JAK1: variants seen among roughly 807,000 people sequenced by gnomAD.
The protein encoded by JAK1 is tyrosine-protein kinase JAK1.
In JAK1, 16 loss-of-function variants were observed where a neutral mutation model predicts 136.6. The observed-to-expected ratio is 0.12, with a 90% CI of 0.08 to 0.18. The LOEUF is 0.18. Among genes scored for constraint, JAK1 ranks in the 10% least tolerant of loss-of-function variants. The pLI is 1.00. For missense variants in JAK1, 859 were observed against 1,450.1 expected, an observed-to-expected ratio of 0.59 and a Z score of 6.62; for synonymous variants, 492 against 519.5, an observed-to-expected ratio of 0.95 and a Z score of 0.72.
chr1:64,881,556 G>C (rs1235438271), intron 3 of JAK1, among the ~76,000 whole-genome samples: 1 of 152,150 alleles, frequency 6.6e-6, no homozygotes, highest in African/African-American at 2.4e-5. Context: ...GTAACAGTGA[G>C]AGCTACAAGA....
chr1:65,054,926 T>A (rs1218830235), intron 1 of JAK1, among the ~76,000 whole-genome samples: 1 of 152,220 alleles, frequency 6.6e-6, no homozygotes, highest in Non-Finnish European at 1.5e-5. Flanking sequence ...ACAGCAGTTA[T>A]CTTCACACGG....
chr1:64,856,177 G>A (rs1254448498), intron 10 of JAK1, among the ~76,000 whole-genome samples: 1 of 152,170 alleles, frequency 6.6e-6, no homozygotes, highest in Non-Finnish European at 1.5e-5. Context: ...TCCACTTGAG[G>A]AAAACCACAC....
chr1:64,929,856 A>G (rs983802016), intron 1 of JAK1, among the ~76,000 whole-genome samples: 4 of 152,204 alleles, frequency 2.6e-5, no homozygotes, highest in African/African-American at 9.7e-5. Context: ...GGAACAGAAC[A>G]AAGGCCTCAG....
intron 1 of JAK1, among the ~76,000 whole-genome samples, chr1:65,048,214 G>A (rs1647206794): frequency 6.6e-6 from 1 of 152,140 alleles, no homozygotes; most frequent in South Asian, 2.1e-4. Flanking sequence ...CAGAAACCTG[G>A]GCTTGAACTG....
chr1:64,932,956 C>T (rs911412076), intron 1 of JAK1, among the ~76,000 whole-genome samples: 2 of 151,912 alleles, frequency 1.3e-5, no homozygotes, highest in Non-Finnish European at 2.9e-5. Flanking sequence ...CCACTGCTAA[C>T]GGGAAGTAAA....
intron 9 of JAK1, among the ~76,000 whole-genome samples, chr1:64,858,507 T>A (rs750044484): frequency 2.0e-5 from 3 of 152,248 alleles, no homozygotes; most frequent in Non-Finnish European, 4.4e-5. Flanking sequence ...TGGCAAGCCA[T>A]CATTGATTCT....
chr1:64,925,891 A>G (rs958055180), intron 1 of JAK1, among the ~76,000 whole-genome samples: 2 of 152,190 alleles, frequency 1.3e-5, no homozygotes, highest in African/African-American at 4.8e-5. Context: ...GCAATCACCT[A>G]TAAAACCACC....
intron 1 of JAK1, among the ~76,000 whole-genome samples, chr1:64,963,402 G>A (rs1646317549): frequency 1.3e-5 from 2 of 151,906 alleles, no homozygotes; most frequent in Non-Finnish European, 2.9e-5. Context: ...AATAACCTTT[G>A]CTTAAAGAAA....
At chr1:64,972,252 G>A (rs1646459080) in intron 2 of JAK1, 1 of 152,154 alleles carries the variant, frequency 6.6e-6, no homozygotes, top group Non-Finnish European at 1.5e-5. Context: ...TTTAATAAAT[G>A]TAAAAATTCA....
intron 2 of JAK1, among the ~76,000 whole-genome samples, chr1:65,009,324 TA>T (rs971655612): frequency 6.6e-6 from 1 of 152,136 alleles, no homozygotes; most frequent in Non-Finnish European, 1.5e-5. Context: ...GAAACATTTC[TA>T]AAAAAACATT....
chr1:64,903,871 T>C (rs902009570), intron 1 of JAK1, among the ~76,000 whole-genome samples: 1 of 152,216 alleles, frequency 6.6e-6, no homozygotes, highest in Non-Finnish European at 1.5e-5. Flanking sequence ...CTTTGTCCTA[T>C]AGATTATCAC....
chr1:65,046,872 CTTTTTT>C (rs770524663), intron 1 of JAK1, among the ~76,000 whole-genome samples: 1 of 113,394 alleles, frequency 8.8e-6, no homozygotes, highest in African/African-American at 3.3e-5. Context: ...GCCCCAACCT[CTTTTTT>C]TTTTTTTTTT....
intron 2 of JAK1, among the ~76,000 whole-genome samples, chr1:65,018,825 A>G (rs1378959234): frequency 6.6e-6 from 1 of 152,110 alleles, no homozygotes; most frequent in Non-Finnish European, 1.5e-5. Flanking sequence ...CCTGGCTAAC[A>G]CGGTGAAACC....
At chr1:64,886,405 A>AT in intron 1 of JAK1, 64 bp from the exon 2 acceptor site, 2 of 905,634 alleles carry the variant, frequency 2.2e-6, no homozygotes, top group Non-Finnish European at 3.1e-6. Context: ...ATAAGAGGGC[A>AT]TTTTCATTAA....
chr1:64,878,714 T>A (rs544088683), intron 4 of JAK1, among the ~76,000 whole-genome samples: 2 of 151,854 alleles, frequency 1.3e-5, no homozygotes, highest in South Asian at 4.1e-4. Flanking sequence ...TAACTGTGAA[T>A]CCACTAAATT....
chr1:64,925,226 ATC>A (rs1191299913), intron 1 of JAK1, among the ~76,000 whole-genome samples: 6 of 108,598 alleles, frequency 5.5e-5, no homozygotes, highest in Non-Finnish European at 1.1e-4. Context: ...GTGAAACACC[ATC>A]TCTACTAAAA....
chr1:64,956,140 G>C (rs1225887705), intron 1 of JAK1, among the ~76,000 whole-genome samples: 1 of 152,204 alleles, frequency 6.6e-6, no homozygotes, highest in East Asian at 1.9e-4. Context: ...CAGTACTTGT[G>C]ACAGACTGTA....
chr1:65,018,641 C>T (rs1416363481), intron 2 of JAK1, among the ~76,000 whole-genome samples: 6 of 152,096 alleles, frequency 3.9e-5, no homozygotes, highest in Admixed American at 3.3e-4. Context: ...GGACTAATTT[C>T]ATCGGGGAAA....
At chr1:64,976,453 G>T (rs1646498170) in intron 2 of JAK1, among the ~76,000 whole-genome samples, 1 of 152,174 alleles carries the variant, frequency 6.6e-6, no homozygotes, top group Non-Finnish European at 1.5e-5. Context: ...GACCTTGTTG[G>T]TTATTATGGT....
Sources: allele counts gnomAD v4.1 joint callset (sites outside exome capture counted in the v4.1 genomes callset), GRCh38; gene constraint gnomAD v4.1.1; transcripts MANE v1.5; gene names NCBI Gene and HGNC (gene_info 2026-07-23, HGNC 2026-07-21).